Variants in NGF observed in about 807,000 individuals in gnomAD.
NGF encodes the protein nerve growth factor, also known as beta-nerve growth factor.
NGF carries 4 observed loss-of-function variants against 12.8 expected under a neutral mutation model. That is an observed-to-expected ratio of 0.31 (90% CI 0.15 to 0.72). The LOEUF is 0.72. Ranked by LOEUF, NGF falls within the 30% of genes least tolerant of loss-of-function variation. The probability of loss-of-function intolerance (pLI) is 0.69; values close to 1 mark genes in which losing one functional copy is unlikely to be tolerated. For synonymous variants in NGF, 140 were observed against 130.0 expected (o/e 1.08, Z -0.52); for missense variants, 283 against 330.8 (o/e 0.86, Z 1.12).
At chr1:115,313,963 G>C (rs146381934) in intron 1 of NGF, among the ~76,000 whole-genome samples, 40 of 152,232 alleles carry the variant, frequency 2.6e-4, no homozygotes, top group African/African-American at 7.9e-4. Context: ...CCTTCCAAAA[G>C]AGCCAGTTAT....
At chr1:115,331,514 G>T (rs1216733791) in intron 1 of NGF, among the ~76,000 whole-genome samples, 1 of 152,220 alleles carries the variant, frequency 6.6e-6, no homozygotes, top group Non-Finnish European at 1.5e-5. Flanking sequence ...ATTCACATAA[G>T]AAGATTAAAA....
chr1:115,313,871 A>G (rs1654401177), intron 1 of NGF, among the ~76,000 whole-genome samples: 1 of 152,196 alleles, frequency 6.6e-6, no homozygotes, highest in East Asian at 1.9e-4. Flanking sequence ...ATAAATTTGT[A>G]AAATAATTCC....
intron 1 of NGF, among the ~76,000 whole-genome samples, chr1:115,322,424 G>A (rs1654654295): frequency 6.6e-6 from 1 of 152,164 alleles, no homozygotes; most frequent in African/African-American, 2.4e-5. Flanking sequence ...CCACCTGGAG[G>A]CTACAAGGAG....
chr1:115,304,697 C>G (rs1654147999), intron 1 of NGF, among the ~76,000 whole-genome samples: 1 of 152,142 alleles, frequency 6.6e-6, no homozygotes, highest in African/African-American at 2.4e-5. Flanking sequence ...CAGAAGGAGG[C>G]ACCCCTCTGG....
intron 1 of NGF, among the ~76,000 whole-genome samples, chr1:115,333,206 C>G (rs1654971350): frequency 1.3e-5 from 2 of 152,048 alleles, no homozygotes; most frequent in Admixed American, 1.3e-4. Context: ...AAGGAGCAGC[C>G]AAAGGAAATG....
chr1:115,321,665 G>C (rs1478231723), intron 1 of NGF, among the ~76,000 whole-genome samples: 1 of 150,660 alleles, frequency 6.6e-6, no homozygotes. Context: ...ATGCAGGAGG[G>C]GAGAAGAAAC....
chr1:115,334,596 G>A (rs909040317), intron 1 of NGF, among the ~76,000 whole-genome samples: 1 of 152,036 alleles, frequency 6.6e-6, no homozygotes, highest in Non-Finnish European at 1.5e-5. Context: ...TTGACTTCTG[G>A]AGCCCCAGTT....
chr1:115,333,480 C>T (rs1236727413), intron 1 of NGF, among the ~76,000 whole-genome samples: 1 of 133,378 alleles, frequency 7.5e-6, no homozygotes, highest in African/African-American at 3.0e-5. Flanking sequence ...GACTGTCTGA[C>T]TCTGACTAAT....
intron 1 of NGF, among the ~76,000 whole-genome samples, chr1:115,313,684 C>T (rs931596133): frequency 6.6e-6 from 1 of 152,152 alleles, no homozygotes; most frequent in Non-Finnish European, 1.5e-5. Context: ...AAAGGCAAAG[C>T]AGTTTAAAAA....
intron 2 of NGF, among the ~76,000 whole-genome samples, chr1:115,293,367 G>A (rs1030277801): frequency 3.3e-5 from 5 of 152,152 alleles, no homozygotes; most frequent in South Asian, 2.1e-4. Context: ...TCCTGTGTTC[G>A]GCAACTTTAG....
chr1:115,299,121 A>G (rs1446399756), intron 1 of NGF, among the ~76,000 whole-genome samples: 3 of 152,238 alleles, frequency 2.0e-5, no homozygotes, highest in Non-Finnish European at 4.4e-5. Flanking sequence ...GTGTTTAACT[A>G]TCTAGTGGTT....
intron 1 of NGF, among the ~76,000 whole-genome samples, chr1:115,317,407 A>G (rs978682933): frequency 6.6e-6 from 1 of 152,204 alleles, no homozygotes; most frequent in Non-Finnish European, 1.5e-5. Flanking sequence ...TCCAATTCCT[A>G]TGGAGGTCAG....
chr1:115,321,038 C>T (rs1654610854), intron 1 of NGF, among the ~76,000 whole-genome samples: 2 of 152,150 alleles, frequency 1.3e-5, no homozygotes, highest in African/African-American at 4.8e-5. Flanking sequence ...CTTCTCCTGC[C>T]CACTTTTCAG....
rs116826218 is a variant in NGF, at chr1:115,315,027, G to A, written c.-136-21277C>T. ...ATGTGGGAAGGACATTCCAGGCAGA[G>A]TGGATGGCCAGTGTGAGGTCCTGAG... is the stretch of plus-strand genomic sequence containing the variant. On this transcript the variant is annotated intron_variant, in intron 1 of 2. Coordinates refer to ENST00000369512, the MANE Select transcript of NGF (RefSeq NM_002506.3). Among the ~76,000 whole-genome samples, 804 of 152,320 alleles carry A rather than the reference G, an allele frequency of 5.3e-3. 11 individuals are homozygous for A. Among genetic ancestry groups the A allele is most frequent in the African/African-American group, 0.019 (774 of 41,576 alleles).
intron 1 of NGF, among the ~76,000 whole-genome samples, chr1:115,324,650 G>C (rs11102924): frequency 6.6e-6 from 1 of 152,148 alleles, no homozygotes; most frequent in South Asian, 2.1e-4. Flanking sequence ...CTCTACAAGA[G>C]GGCTACTGTG....
chr1:115,332,882 C>T (rs1654961546), intron 1 of NGF, among the ~76,000 whole-genome samples: 2 of 152,212 alleles, frequency 1.3e-5, no homozygotes, highest in South Asian at 2.1e-4. Flanking sequence ...CACTTGGCAT[C>T]ACTCATACAC....
At chr1:115,293,094 G>T (rs538357040) in intron 2 of NGF, among the ~76,000 whole-genome samples, 198 of 152,150 alleles carry the variant, frequency 1.3e-3, no homozygotes, top group South Asian at 3.7e-3. Flanking sequence ...CACAAACCTG[G>T]GAGGTTGGCC....
At chr1:115,293,318 A>T (rs1158971060) in intron 2 of NGF, among the ~76,000 whole-genome samples, 1 of 152,040 alleles carries the variant, frequency 6.6e-6, no homozygotes, top group Non-Finnish European at 1.5e-5. Context: ...CGGACCAGAG[A>T]GTTGTGTGGA....
chr1:115,298,073 C>G (rs1011013377), intron 1 of NGF, among the ~76,000 whole-genome samples: 13 of 152,164 alleles, frequency 8.5e-5, no homozygotes, highest in Non-Finnish European at 1.8e-4. Context: ...ACATTATAAG[C>G]CACAAGAAGG....
Sources: allele counts gnomAD v4.1 joint callset (sites outside exome capture counted in the v4.1 genomes callset), GRCh38; gene constraint gnomAD v4.1.1; transcripts MANE v1.5; gene names NCBI Gene and HGNC (gene_info 2026-07-23, HGNC 2026-07-21).